Variants in PREX1 observed in about 807,000 individuals in gnomAD.
PREX1 encodes the protein phosphatidylinositol 3,4,5-trisphosphate-dependent Rac exchanger 1 protein.
PREX1 carries 41 observed loss-of-function variants against 198.3 expected under a neutral mutation model. That is an observed-to-expected ratio of 0.21 (90% CI 0.16 to 0.27). The LOEUF is 0.27. Among genes scored for constraint, PREX1 ranks in the 10% least tolerant of loss-of-function variants. PREX1 has a pLI of 1.00. For synonymous variants in PREX1, 843 were observed against 887.2 expected (o/e 0.95, Z 0.89); for missense variants, 1,620 against 2,200.7 (o/e 0.74, Z 5.28).
rs1382822053 is a variant in PREX1 at position 48,650,951 on chromosome 20, G to A, written c.2760C>T (p.Arg920=). 6.2e-7 allele frequency: 1 copy of A among 1,614,224 alleles called. No homozygotes were observed. The highest frequency in any genetic ancestry group is 1.7e-5 in the Admixed American group (1 of 60,030). Residue 920 remains arginine, a synonymous_variant, in exon 23 of 40, where the codon CGC becomes CGT. Coordinates refer to ENST00000371941, the MANE Select transcript of PREX1 (RefSeq NM_020820.4). ...TCTCCAGCTTGGTGTCACAGATGTT[G>A]CGGAACTCAAAGTGGGGCATGGTCA... The part of the protein sequence containing the change: ...AIVTMPHFEF[R]NICDTKLESI...
chr20:48,742,528 GGGAGGATGCCAGGAAGGCCCCA>G (rs2090086917), intron 3 of PREX1, among the ~76,000 whole-genome samples: 1 of 152,118 alleles, frequency 6.6e-6, no homozygotes, highest in African/African-American at 2.4e-5. Flanking sequence ...CCCAGGCCCA[GGGAGGATGCCAGGAAGGCCCCA>G]GCACAGAACA....
intron 25 of PREX1, among the ~76,000 whole-genome samples, chr20:48,647,213 T>C (rs4809715): frequency 0.12 from 17,904 of 149,326 alleles, 1,662 homozygotes; most frequent in African/African-American, 0.26. Flanking sequence ...CTGGTGACAG[T>C]TGGATAAAGT....
the PREX1 span, among the ~76,000 whole-genome samples, chr20:48,857,238 C>T: frequency 6.6e-6 from 1 of 152,128 alleles, no homozygotes. Context: ...AAACTGAGGC[C>T]CAGAGTAGGG....
intron 16 of PREX1, among the ~76,000 whole-genome samples, chr20:48,658,616 G>A (rs544400707): frequency 5.9e-5 from 9 of 152,294 alleles, no homozygotes; most frequent in East Asian, 1.9e-4. Context: ...CCCATCACAC[G>A]GGCCAGGCAG....
In PREX1 at chr20:48,653,381, T is replaced by C. The variant is rs139921407; in HGVS notation, c.2326A>G (p.Ser776Gly). ...EVLEHFQAFR[S>G]RREEALGLYQ... ...CTTACCAGGGCCTCTTCGCGCCGAC[T>C]CCGGAATGCCTGGAAGTGCTCCAGG... The change falls in exon 20 of 40, where the codon AGT becomes GGT. Residue 776 changes from serine (S) to glycine (G), a missense_variant. This residue lies in a region of PREX1 where 514 missense variants were observed against 611.6 expected (regional missense o/e 0.84). Transcript: ENST00000371941. 479 of 1,613,536 alleles carry C rather than the reference T, an allele frequency of 3.0e-4. No individual in the cohort carries two copies. The highest frequency in any genetic ancestry group is 3.8e-4 in the Non-Finnish European group (452 of 1,179,770).
chr20:48,854,705 G>C, the PREX1 span, among the ~76,000 whole-genome samples: 1 of 152,194 alleles, frequency 6.6e-6, no homozygotes, highest in South Asian at 2.1e-4. Context: ...TCACTTTCCA[G>C]ATGAAGAGGC....
intron 9 of PREX1, 148 bp from the exon 10 acceptor site, chr20:48,688,952 G>A (rs2089801411): frequency 2.2e-6 from 2 of 914,220 alleles, no homozygotes; most frequent in Admixed American, 2.4e-5. Context: ...GCCAGCAGCA[G>A]CTAGAGGGCA....
At chr20:48,797,503 C>T (rs887127678) in intron 1 of PREX1, among the ~76,000 whole-genome samples, 3 of 152,108 alleles carry the variant, frequency 2.0e-5, no homozygotes, top group Admixed American at 2.0e-4. Context: ...TATTAAGTGG[C>T]CCATACAGCT....
At chr20:48,634,653 G>T (rs370947154) in intron 33 of PREX1, 23 bp downstream of exon 33, 3 of 1,609,560 alleles carry the variant, frequency 1.9e-6, no homozygotes, top group South Asian at 2.2e-5. Context: ...CTCTCACAGT[G>T]GGGGATGGGA....
chr20:48,681,783 C>G (rs531170455), intron 10 of PREX1, among the ~76,000 whole-genome samples: 1 of 152,050 alleles, frequency 6.6e-6, no homozygotes, highest in Admixed American at 6.5e-5. Context: ...GATGAATGAA[C>G]AGACAGATGA....
At chr20:48,834,566 CT>C in the PREX1 span, among the ~76,000 whole-genome samples, 12 of 148,424 alleles carry the variant, frequency 8.1e-5, no homozygotes, top group Admixed American at 1.3e-4. Context: ...ATTCCTGAGC[CT>C]TTTTTTTTTG....
At chr20:48,637,820 C>G (rs1013990032) in intron 30 of PREX1, 68 bp from the exon 31 acceptor site, 2 of 1,440,786 alleles carry the variant, frequency 1.4e-6, no homozygotes, top group Admixed American at 1.9e-5. Flanking sequence ...AGGGCAGAAC[C>G]GGGCCCCTCC....
chr20:48,650,340 G>A, intron 23 of PREX1, 134 bp from the exon 24 acceptor site: 2 of 875,616 alleles, frequency 2.3e-6, no homozygotes, highest in Non-Finnish European at 3.5e-6. Context: ...AGCTCCAAAT[G>A]AGAAGGGGAA....
intron 1 of PREX1, among the ~76,000 whole-genome samples, chr20:48,772,608 C>T (rs7352756): frequency 6.6e-6 from 1 of 152,170 alleles, no homozygotes; most frequent in South Asian, 2.1e-4. Flanking sequence ...GGCAGCTCAG[C>T]GGGAGGAAAG....
intron 1 of PREX1, among the ~76,000 whole-genome samples, chr20:48,818,882 A>G (rs2123069470): frequency 6.6e-6 from 1 of 152,318 alleles, no homozygotes; most frequent in African/African-American, 2.4e-5. Flanking sequence ...CATTCTGGCC[A>G]CAGATGGGGG....
At chr20:48,674,300 C>T (rs6066813) in intron 14 of PREX1, among the ~76,000 whole-genome samples, 1 of 152,146 alleles carries the variant, frequency 6.6e-6, no homozygotes, top group African/African-American at 2.4e-5. Context: ...TTATTTGGTG[C>T]TGAAAAACAT....
chr20:48,746,700 C>T (rs920300756), intron 2 of PREX1, among the ~76,000 whole-genome samples: 1 of 151,950 alleles, frequency 6.6e-6, no homozygotes, highest in African/African-American at 2.4e-5. Flanking sequence ...TACGTAGACA[C>T]GCACTGCATT....
At position 48,691,728 on chromosome 20, in the gene PREX1, C is replaced by T. The variant is rs2089820288; in HGVS notation, c.1037-632G>A. ...CTGTGAGTGGTGGCAACAGGCCAAACATCCATCACCCAAAGAATGGATGAA... is the reference window on the plus strand; with the variant it reads ...CTGTGAGTGGTGGCAACAGGCCAAATATCCATCACCCAAAGAATGGATGAA... On this transcript the variant is annotated intron_variant, in intron 8 of 39. Coordinates refer to ENST00000371941, the MANE Select transcript of PREX1 (RefSeq NM_020820.4). This position sits in a 1 kb window ranked among gnomAD's most constrained non-coding sequence, Gnocchi z 5.0. Among the ~76,000 whole-genome samples the T allele has an allele frequency of 6.6e-6, 1 of 152,244 alleles. No homozygotes were observed. The highest frequency in any genetic ancestry group is 1.5e-5 in the Non-Finnish European group (1 of 68,044).
intron 1 of PREX1, among the ~76,000 whole-genome samples, chr20:48,761,030 G>A (rs1283363626): frequency 1.3e-5 from 2 of 152,156 alleles, no homozygotes; most frequent in African/African-American, 2.4e-5. Context: ...AACTAAAGCA[G>A]GGTAAGAAAA....
Sources: gnomAD v4.1 joint callset for allele counts (sites outside exome capture counted in the v4.1 genomes callset) on GRCh38, gnomAD v4.1.1 for gene constraint, gnomAD v4.1.1 regional missense constraint, Gnocchi (gnomAD v3.1) non-coding constraint, MANE v1.5 for transcripts, NCBI Gene and HGNC (gene_info 2026-07-23, HGNC 2026-07-21) for gene names.